Variants in HSF2BP observed in about 807,000 individuals in gnomAD.
HSF2BP encodes heat shock factor 2-binding protein.
In HSF2BP, 35 loss-of-function variants were observed where a neutral mutation model predicts 35.0. The observed-to-expected ratio is 1.00, with a 90% confidence interval of 0.76 to 1.32. The LOEUF is 1.32. Among genes scored for constraint, HSF2BP ranks in the 40% most tolerant of loss-of-function variants. The probability of loss-of-function intolerance (pLI) is 0.00; values close to 1 mark genes in which losing one functional copy is unlikely to be tolerated. For synonymous variants in HSF2BP, 114 were observed against 117.4 expected (o/e 0.97, Z 0.18); for missense variants, 326 against 321.7 (o/e 1.01, Z -0.10).
chr21:43,606,260 C>T (rs563023883), intron 7 of HSF2BP, among the ~76,000 whole-genome samples: 63 of 152,198 alleles, frequency 4.1e-4, no homozygotes, highest in African/African-American at 1.3e-3. Flanking sequence ...GACGAGAGTC[C>T]GTGCACACAA....
At chr21:43,617,237 A>T (rs537905193) in intron 6 of HSF2BP, among the ~76,000 whole-genome samples, 8 of 152,012 alleles carry the variant, frequency 5.3e-5, no homozygotes, top group South Asian at 2.1e-4. Flanking sequence ...GAAGAAAAAA[A>T]ATATATATAT....
At chr21:43,500,267 C>T in the HSF2BP span, among the ~76,000 whole-genome samples, 1 of 6,818 alleles carries the variant, frequency 1.5e-4, no homozygotes, top group South Asian at 2.6e-3. Flanking sequence ...TTCTGGGTGA[C>T]GGGAATATGG....
chr21:43,630,589 C>A, intron 5 of HSF2BP, 135 bp from the exon 6 acceptor site: 2 of 1,174,516 alleles, frequency 1.7e-6, no homozygotes, highest in South Asian at 1.9e-5. Flanking sequence ...TAAAAGTTCC[C>A]ATTAAAAGAA....
intron 6 of HSF2BP, 136 bp downstream of exon 6, chr21:43,630,186 T>C: frequency 1.6e-6 from 1 of 643,242 alleles, no homozygotes; most frequent in Non-Finnish European, 2.6e-6. Flanking sequence ...CAGACTACAG[T>C]ATAGTGTAAA....
At chr21:43,613,718 T>C (rs2082236624) in intron 7 of HSF2BP, 112 bp downstream of exon 7, 1 of 756,454 alleles carries the variant, frequency 1.3e-6, no homozygotes, top group Admixed American at 2.2e-5. Context: ...TTATTTCTTC[T>C]AGTTTTTAAA....
At chr21:43,652,214 C>T (rs1025428300) in intron 3 of HSF2BP, among the ~76,000 whole-genome samples, 2 of 151,952 alleles carry the variant, frequency 1.3e-5, no homozygotes, top group African/African-American at 2.4e-5. Context: ...ACCAGCGTGG[C>T]CAATATGGTG....
At chr21:43,656,497 C>T (rs1601739349) in intron 3 of HSF2BP, 90 bp downstream of exon 3, 2 of 1,271,860 alleles carry the variant, frequency 1.6e-6, no homozygotes, top group Non-Finnish European at 2.2e-6. Context: ...GTAAGAGTAC[C>T]TTAAAATTCG....
intron 8 of HSF2BP, among the ~76,000 whole-genome samples, chr21:43,585,907 T>C (rs1299048030): frequency 6.6e-6 from 1 of 152,206 alleles, no homozygotes; most frequent in Non-Finnish European, 1.5e-5. Context: ...GAATGTTTAT[T>C]AGATGTCCAT....
intron 1 of HSF2BP, among the ~76,000 whole-genome samples, chr21:43,658,872 G>A (rs1332469075): frequency 6.6e-6 from 1 of 152,238 alleles, no homozygotes; most frequent in Non-Finnish European, 1.5e-5. Context: ...CGCTCAACAG[G>A]CCCCAGTGCC....
chr21:43,608,650 T>A (rs1365474328), intron 7 of HSF2BP, among the ~76,000 whole-genome samples: 1 of 152,104 alleles, frequency 6.6e-6, no homozygotes, highest in Non-Finnish European at 1.5e-5. Context: ...CCTGCCCTTA[T>A]AAGTTTATCA....
chr21:43,587,464 G>C (rs767254344), intron 8 of HSF2BP, among the ~76,000 whole-genome samples: 11 of 151,984 alleles, frequency 7.2e-5, no homozygotes, highest in Admixed American at 2.6e-4. Context: ...GCGGGAGTTC[G>C]AGACCAACCT....
At chr21:43,580,758 A>C (rs2081716415) in intron 8 of HSF2BP, among the ~76,000 whole-genome samples, 1 of 152,218 alleles carries the variant, frequency 6.6e-6, no homozygotes. Context: ...TTTGTCGGTG[A>C]AGATCTTAAA....
chr21:43,628,773 T>C (rs2082419356), intron 6 of HSF2BP, among the ~76,000 whole-genome samples: 1 of 152,234 alleles, frequency 6.6e-6, no homozygotes, highest in Non-Finnish European at 1.5e-5. Flanking sequence ...AGGCTGACTC[T>C]CTTGTTAGGG....
chr21:43,606,801 T>C (rs2082140608), intron 7 of HSF2BP, among the ~76,000 whole-genome samples: 1 of 152,098 alleles, frequency 6.6e-6, no homozygotes, highest in Admixed American at 6.5e-5. Context: ...AGGCTGGATG[T>C]GAAGAGAGCA....
chr21:43,637,816 A>G (rs2082584858), intron 4 of HSF2BP, among the ~76,000 whole-genome samples: 2 of 151,306 alleles, frequency 1.3e-5, no homozygotes, highest in Non-Finnish European at 2.9e-5. Flanking sequence ...GGAAAAAAAA[A>G]AAAGAAAGAA....
intron 3 of HSF2BP, among the ~76,000 whole-genome samples, chr21:43,649,208 C>A (rs1002177058): frequency 6.6e-6 from 1 of 151,966 alleles, no homozygotes; most frequent in Non-Finnish European, 1.5e-5. Flanking sequence ...GTGTGCTGAC[C>A]GCGCCTGGCC....
At chr21:43,586,494 T>C (rs1001194466) in intron 8 of HSF2BP, among the ~76,000 whole-genome samples, 33 of 152,138 alleles carry the variant, frequency 2.2e-4, no homozygotes, top group African/African-American at 7.2e-4. Context: ...AAGCATGAGA[T>C]ATTTAGACTA....
chr21:43,653,862 C>T (rs978643968), intron 3 of HSF2BP, among the ~76,000 whole-genome samples: 2 of 151,966 alleles, frequency 1.3e-5, no homozygotes, highest in Admixed American at 6.6e-5. Flanking sequence ...GACTTACTAG[C>T]GGACAGGTTT....
intron 7 of HSF2BP, among the ~76,000 whole-genome samples, chr21:43,610,977 A>G (rs2082196724): frequency 6.6e-6 from 1 of 152,222 alleles, no homozygotes; most frequent in South Asian, 2.1e-4. Context: ...GGTACTTAAA[A>G]GGAATGAACT....
Sources: gnomAD v4.1 joint callset for allele counts (sites outside exome capture counted in the v4.1 genomes callset) on GRCh38, gnomAD v4.1.1 for gene constraint, MANE v1.5 for transcripts, NCBI Gene and HGNC (gene_info 2026-07-23, HGNC 2026-07-21) for gene names.